Variants in CELF2 observed in about 807,000 individuals in gnomAD.
CELF2 encodes CUGBP Elav-like family member 2.
In CELF2, 8 loss-of-function variants were observed where a neutral mutation model predicts 62.6. That is an observed-to-expected ratio of 0.13 (90% CI 0.07 to 0.23). The LOEUF is 0.23. CELF2 is among the 10% of genes least tolerant of loss of function. The pLI is 1.00. For synonymous variants in CELF2, 258 were observed against 250.0 expected (o/e 1.03, Z -0.30); for missense variants, 333 against 671.0 (o/e 0.50, Z 5.56).
chr10:10,894,493 T>C (rs2062395514), intron 1 of CELF2, among the ~76,000 whole-genome samples: 2 of 152,172 alleles, frequency 1.3e-5, no homozygotes, highest in African/African-American at 4.8e-5. Flanking sequence ...GCCACAGATA[T>C]ATGGCAAAGT....
intron 1 of CELF2, among the ~76,000 whole-genome samples, chr10:11,119,856 A>C: frequency 7.7e-6 from 1 of 130,608 alleles, no homozygotes. Context: ...TGGCTGCTTG[A>C]TTCCGCCTCC....
At chr10:11,052,360 A>G (rs2064117647) in intron 1 of CELF2, among the ~76,000 whole-genome samples, 2 of 152,174 alleles carry the variant, frequency 1.3e-5, no homozygotes, top group South Asian at 4.1e-4. Flanking sequence ...CAGATAATTC[A>G]TTTTTTTAGT....
intron 2 of CELF2, among the ~76,000 whole-genome samples, chr10:10,955,925 ATAGTT>A (rs2048839477): frequency 6.6e-6 from 1 of 152,212 alleles, no homozygotes; most frequent in Non-Finnish European, 1.5e-5. Context: ...CCCGACCACA[ATAGTT>A]TAAACACTAA....
At chr10:10,700,401 A>G in the CELF2 span, among the ~76,000 whole-genome samples, 1 of 152,198 alleles carries the variant, frequency 6.6e-6, no homozygotes, top group Admixed American at 6.5e-5. Context: ...AAAATACAAC[A>G]GATTGTTATA....
At chr10:11,291,363 G>T (rs1189359070) in intron 9 of CELF2, among the ~76,000 whole-genome samples, 1 of 151,886 alleles carries the variant, frequency 6.6e-6, no homozygotes, top group South Asian at 2.1e-4. Flanking sequence ...AAACAGTCTT[G>T]GCTTTAAAAC....
the CELF2 span, among the ~76,000 whole-genome samples, chr10:10,537,975 G>A: frequency 6.6e-6 from 1 of 152,130 alleles, no homozygotes; most frequent in African/African-American, 2.4e-5. Context: ...AGTGCGATGA[G>A]CCCTTGTCCC....
Position 11,178,777 on chromosome 10 carries a change from C to T in CELF2, c.271+13095C>T, listed in dbSNP as rs2072190364. On this transcript the variant is annotated intron_variant, in intron 2 of 12. Transcript: ENST00000633077. The surrounding 1 kb of genome is among the most constrained non-coding windows in gnomAD (Gnocchi z 4.3). The stretch of plus-strand genomic sequence containing the variant: ...CAGGAGATAAGAGTGGGGCCTATCG[C>T]TCTGTGGCTTTCTCCCCCTGCATTA... Among the ~76,000 whole-genome samples the T allele has an allele frequency of 6.6e-6, 1 of 152,228 alleles. No homozygotes were observed. Among genetic ancestry groups the T allele is most frequent in the South Asian group, 2.1e-4 (1 of 4,836 alleles).
the CELF2 span, among the ~76,000 whole-genome samples, chr10:10,584,140 G>A: frequency 1.3e-5 from 2 of 152,204 alleles, no homozygotes; most frequent in African/African-American, 4.8e-5. Flanking sequence ...AGGTCAGGAT[G>A]TCTTTAGCTC....
intron 1 of CELF2, among the ~76,000 whole-genome samples, chr10:11,122,076 C>G (rs940868722): frequency 6.6e-6 from 1 of 152,198 alleles, no homozygotes; most frequent in Non-Finnish European, 1.5e-5. Flanking sequence ...GCATCTCTGG[C>G]AAATCTTGGT....
chr10:10,554,052 G>A, the CELF2 span, among the ~76,000 whole-genome samples: 1 of 152,124 alleles, frequency 6.6e-6, no homozygotes, highest in African/African-American at 2.4e-5. Context: ...TGGAAAACTG[G>A]GAGCCATTGT....
intron 1 of CELF2, among the ~76,000 whole-genome samples, chr10:10,861,515 A>G (rs531207401): frequency 7.7e-4 from 118 of 152,306 alleles, no homozygotes; most frequent in African/African-American, 2.7e-3. Context: ...ATATATTTAC[A>G]TGGTTTTATA....
chr10:10,643,723 C>G, the CELF2 span, among the ~76,000 whole-genome samples: 916 of 152,250 alleles, frequency 6.0e-3, 3 homozygotes, highest in Non-Finnish European at 8.2e-3. Flanking sequence ...AAGAGGACAA[C>G]AGGAGTTTCC....
the CELF2 span, among the ~76,000 whole-genome samples, chr10:10,517,750 G>A: frequency 6.6e-6 from 1 of 152,170 alleles, no homozygotes; most frequent in Non-Finnish European, 1.5e-5. Flanking sequence ...CCCAGATGCT[G>A]CCATAATTCT....
At chr10:10,612,214 G>A in the CELF2 span, among the ~76,000 whole-genome samples, 1 of 152,120 alleles carries the variant, frequency 6.6e-6, no homozygotes, top group Non-Finnish European at 1.5e-5. Flanking sequence ...AAAAAGAAAA[G>A]CCAGTTTGCT....
At chr10:10,669,998 G>T in the CELF2 span, among the ~76,000 whole-genome samples, 1 of 148,716 alleles carries the variant, frequency 6.7e-6, no homozygotes, top group African/African-American at 2.5e-5. Flanking sequence ...TGCTTCCCAG[G>T]TTCAAGCGAT....
chr10:10,550,677 A>G, the CELF2 span, among the ~76,000 whole-genome samples: 3 of 149,594 alleles, frequency 2.0e-5, no homozygotes, highest in South Asian at 4.2e-4. Flanking sequence ...ATCTGATTGG[A>G]TCCTGGATTC....
the CELF2 span, among the ~76,000 whole-genome samples, chr10:10,666,116 T>A: frequency 1.3e-5 from 2 of 152,216 alleles, no homozygotes; most frequent in Non-Finnish European, 2.9e-5. Flanking sequence ...CATACTTATT[T>A]ACTGGGTTTC....
the CELF2 span, among the ~76,000 whole-genome samples, chr10:10,524,127 C>T: frequency 2.0e-5 from 3 of 152,060 alleles, no homozygotes; most frequent in African/African-American, 2.4e-5. Flanking sequence ...CTTCTATAGA[C>T]AGGTGGTACC....
intron 2 of CELF2, among the ~76,000 whole-genome samples, chr10:10,998,590 A>C (rs1172265374): frequency 6.6e-6 from 1 of 152,148 alleles, no homozygotes; most frequent in African/African-American, 2.4e-5. Context: ...AGAGGATAGA[A>C]CTCGTAAGAG....
Sources: gnomAD v4.1 joint callset for allele counts (sites outside exome capture counted in the v4.1 genomes callset) on GRCh38, gnomAD v4.1.1 for gene constraint, Gnocchi (gnomAD v3.1) non-coding constraint, MANE v1.5 for transcripts, NCBI Gene and HGNC (gene_info 2026-07-23, HGNC 2026-07-21) for gene names.